Variants in PCDHGA6 observed in about 807,000 individuals in gnomAD.
PCDHGA6 encodes protocadherin gamma subfamily A, 6.
Under a neutral mutation model 60.6 loss-of-function variants are expected in PCDHGA6, and 41 were observed. The ratio of observed to expected loss-of-function variants is 0.68; its 90% CI spans 0.53 to 0.88. PCDHGA6 has a LOEUF of 0.88. PCDHGA6 is among the 40% of genes least tolerant of loss of function. PCDHGA6 has a pLI of 0.00. For missense variants in PCDHGA6, 1,312 were observed against 1,203.0 expected (o/e 1.09, Z -1.34); for synonymous variants, 594 against 524.4 (o/e 1.13, Z -1.81).
In PCDHGA6 at chr5:141,404,489, G is replaced by A. The variant is rs867768935; in HGVS notation, c.2424+27982G>A. 30 of 1,613,796 alleles carry A rather than the reference G, an allele frequency of 1.9e-5. No individual in the cohort carries two copies. The highest frequency in any genetic ancestry group is 1.3e-4 in the African/African-American group (10 of 75,048). On this transcript the variant is annotated intron_variant, in intron 1 of 3. Transcript: ENST00000517434. ...TGTCTCTATTAACTCAGACACTGGT[G>A]TGCTGTATGCTCTGTGCTCCTTTGA...
rs368585389 is a variant in PCDHGA6, at chr5:141,419,428, G to A, written c.2424+42921G>A. On this transcript the variant is annotated intron_variant, in intron 1 of 3. Coordinates refer to ENST00000517434, the MANE Select transcript of PCDHGA6 (RefSeq NM_018919.3). ...TCGCGCAGCGCGCCTTCGACCACGAGCAGCTGCGCACCTTCGAGCTCACGC... is the reference window on the plus strand; with the variant it reads ...TCGCGCAGCGCGCCTTCGACCACGAACAGCTGCGCACCTTCGAGCTCACGC... 4 of 1,613,192 alleles carry A rather than the reference G, an allele frequency of 2.5e-6. No individual in the cohort carries two copies. In the African/African-American group the frequency reaches 4.0e-5, roughly 16 times the overall value.
chr5:141,435,591 T>G (rs1197622032), intron 1 of PCDHGA6, among the ~76,000 whole-genome samples: 1 of 152,206 alleles, frequency 6.6e-6, no homozygotes, highest in Admixed American at 6.5e-5. Flanking sequence ...TGCAGTAATA[T>G]CGCCTGCTTT....
At chr5:141,387,354 CA>C (rs1037365285) in intron 1 of PCDHGA6, among the ~76,000 whole-genome samples, 7 of 152,004 alleles carry the variant, frequency 4.6e-5, no homozygotes, top group African/African-American at 1.7e-4. Context: ...CGGTTTAGGC[CA>C]AGTCTGTGTT....
At chr5:141,441,187 AT>A (rs1349788972) in intron 1 of PCDHGA6, 1 of 152,214 alleles carries the variant, frequency 6.6e-6, no homozygotes, top group Non-Finnish European at 1.5e-5. Context: ...TTCCACAATG[AT>A]TCCCAAAGAT....
At chr5:141,414,026 C>A in intron 1 of PCDHGA6, 1 of 1,612,468 alleles carries the variant, frequency 6.2e-7, no homozygotes, top group Non-Finnish European at 8.5e-7. Flanking sequence ...GTGACATATT[C>A]ATTCCGAAAA....
At position 141,419,312 on chromosome 5, in the gene PCDHGA6, G is replaced by C. The variant is rs35892780; in HGVS notation, c.2424+42805G>C. On this transcript the variant is annotated intron_variant, in intron 1 of 3. Transcript: ENST00000517434. ...CTCTGACCCAGACTTCGGGCTCAAC[G>C]GCCGTGTCTCCTACTCTCTCATTGC... 1.0e-3 allele frequency: 1,689 copies of C among 1,613,962 alleles called. 4 individuals are homozygous for C. Among genetic ancestry groups the C allele is most frequent in the Middle Eastern group, 5.3e-3 (32 of 6,062 alleles).
rs766083208 is a variant in PCDHGA6, at chr5:141,477,506, G to A, written c.2425-17301G>A. 1.9e-6 allele frequency: 3 copies of A among 1,614,028 alleles called. No homozygotes were observed. Among genetic ancestry groups the A allele is most frequent in the South Asian group, 2.2e-5 (2 of 91,076 alleles). ...ACAATCTTCTCAATCTTCCTACGAC[G>A]TTTACATTGAAGAAAACAACCTCCC... On this transcript the variant is annotated intron_variant, in intron 1 of 3. Transcript: ENST00000517434. This position sits in a 1 kb window ranked among gnomAD's most constrained non-coding sequence, Gnocchi z 4.9.
At chr5:141,471,114 T>A (rs1210058743) in intron 1 of PCDHGA6, among the ~76,000 whole-genome samples, 1 of 150,256 alleles carries the variant, frequency 6.7e-6, no homozygotes, top group Non-Finnish European at 1.5e-5. Context: ...AGTGGTGCGA[T>A]CTTACCTTCA....
At chr5:141,399,107 G>A in intron 1 of PCDHGA6, 1 of 1,613,794 alleles carries the variant, frequency 6.2e-7, no homozygotes, top group Non-Finnish European at 8.5e-7. Flanking sequence ...GTTGCACAAT[G>A]TACAGTTGAA....
intron 1 of PCDHGA6, among the ~76,000 whole-genome samples, chr5:141,407,809 T>C (rs2094984510): frequency 6.6e-6 from 1 of 152,228 alleles, no homozygotes; most frequent in South Asian, 2.1e-4. Flanking sequence ...TAGAAATATC[T>C]ACTATAATAT....
At chr5:141,421,355 G>A in intron 1 of PCDHGA6, 1 of 1,613,990 alleles carries the variant, frequency 6.2e-7, no homozygotes, top group East Asian at 2.2e-5. Flanking sequence ...ACCGAAAAGG[G>A]CTCCTTCGTG....
Position 141,420,095 on chromosome 5 carries a change from G to A in PCDHGA6, c.2424+43588G>A, listed in dbSNP as rs1382286285. 2.5e-6 allele frequency: 4 copies of A among 1,613,882 alleles called. No individual in the cohort carries two copies. Among genetic ancestry groups the A allele is most frequent in the Admixed American group, 1.7e-5 (1 of 60,010 alleles). ...TGTGGGTCCCCCCAACTACAGTGAGGGAACGTTGCCCTATGCCTATAATTT... is the reference window on the plus strand; with the variant it reads ...TGTGGGTCCCCCCAACTACAGTGAGAGAACGTTGCCCTATGCCTATAATTT... On this transcript the variant is annotated intron_variant, in intron 1 of 3. Coordinates refer to ENST00000517434, the MANE Select transcript of PCDHGA6 (RefSeq NM_018919.3).
chr5:141,425,695 T>C (rs1329762653), intron 1 of PCDHGA6, among the ~76,000 whole-genome samples: 1 of 152,232 alleles, frequency 6.6e-6, no homozygotes, highest in Non-Finnish European at 1.5e-5. Context: ...TATCATTTCA[T>C]AGTGGTCAAA....
chr5:141,423,798 A>G (rs551396089), intron 1 of PCDHGA6: 76 of 1,222,390 alleles, frequency 6.2e-5, no homozygotes, highest in Middle Eastern at 4.5e-4. Context: ...TATTTAGAGC[A>G]ATACATGTGA....
At chr5:141,464,580 G>A (rs1459502164) in intron 1 of PCDHGA6, among the ~76,000 whole-genome samples, 1 of 152,118 alleles carries the variant, frequency 6.6e-6, no homozygotes, top group East Asian at 1.9e-4. Context: ...AGATGAGAAT[G>A]TCCATTGTCC....
At chr5:141,377,295 G>A (rs2150107676) in intron 1 of PCDHGA6, 2 of 152,102 alleles carry the variant, frequency 1.3e-5, no homozygotes, top group Middle Eastern at 6.8e-3. Context: ...CTTAATTTAG[G>A]TCAGTGTTAA....
chr5:141,479,676 G>A (rs2099503035), intron 1 of PCDHGA6: 1 of 152,242 alleles, frequency 6.6e-6, no homozygotes, highest in African/African-American at 2.4e-5. Context: ...CAAAAGGAGA[G>A]TCTTTTTGGT....
intron 1 of PCDHGA6, chr5:141,417,116 C>A (rs1407873769): frequency 6.6e-6 from 1 of 151,954 alleles, no homozygotes; most frequent in Non-Finnish European, 1.5e-5. Context: ...ATACAGGACA[C>A]CCTGGATGAT....
chr5:141,478,521 G>A, intron 1 of PCDHGA6: 1 of 1,610,618 alleles, frequency 6.2e-7, no homozygotes, highest in Non-Finnish European at 8.5e-7. Context: ...CAGGTGTTGG[G>A]TGCAGAGAGC....
Sources: allele counts gnomAD v4.1 joint callset (sites outside exome capture counted in the v4.1 genomes callset), GRCh38; gene constraint gnomAD v4.1.1; non-coding constraint Gnocchi (gnomAD v3.1); transcripts MANE v1.5; gene names NCBI Gene and HGNC (gene_info 2026-07-23, HGNC 2026-07-21).